PRKG1: variants seen among roughly 807,000 people sequenced by gnomAD.
PRKG1 encodes the protein protein kinase cGMP-dependent 1.
Under a neutral mutation model 88.1 loss-of-function variants are expected in PRKG1, and 35 were observed. The observed-to-expected ratio is 0.40, with a 90% CI of 0.30 to 0.53. The LOEUF (loss-of-function observed/expected upper bound fraction) is 0.53. PRKG1 is among the 20% of genes least tolerant of loss of function. The pLI is 0.59. For synonymous variants in PRKG1, 303 were observed against 292.5 expected (o/e 1.04, Z -0.37); for missense variants, 540 against 839.8 (o/e 0.64, Z 4.41).
At chr10:51,396,764 A>G (rs992081454) in intron 2 of PRKG1, among the ~76,000 whole-genome samples, 25 of 152,234 alleles carry the variant, frequency 1.6e-4, no homozygotes, top group South Asian at 4.1e-4. Flanking sequence ...TAGTATTTTC[A>G]CAAGTGTGGC....
At chr10:51,786,184 T>A (rs1476464229) in intron 3 of PRKG1, among the ~76,000 whole-genome samples, 2 of 152,134 alleles carry the variant, frequency 1.3e-5, no homozygotes, top group Non-Finnish European at 2.9e-5. Flanking sequence ...ACTTATTAAT[T>A]TTTGGCTAAG....
intron 3 of PRKG1, among the ~76,000 whole-genome samples, chr10:51,484,039 T>C (rs1380735341): frequency 6.6e-6 from 1 of 152,200 alleles, no homozygotes; most frequent in Non-Finnish European, 1.5e-5. Context: ...TATCTGATTC[T>C]ACTAGTGACT....
intron 3 of PRKG1, among the ~76,000 whole-genome samples, chr10:51,787,230 C>T (rs891583149): frequency 1.3e-5 from 2 of 152,094 alleles, no homozygotes; most frequent in African/African-American, 4.8e-5. Flanking sequence ...TTAAGTAAAG[C>T]CCTATGAAAA....
chr10:52,011,672 G>T lies in PRKG1; in HGVS notation c.763-42812G>T, dbSNP rs142681531. Among the ~76,000 whole-genome samples, 144 of 152,190 alleles carry T rather than the reference G, an allele frequency of 9.5e-4. 1 individual carries two copies. Among genetic ancestry groups the T allele is most frequent in the African/African-American group, 3.3e-3 (139 of 41,516 alleles). On this transcript the variant is annotated intron_variant, in intron 5 of 17. Coordinates refer to ENST00000373980, the MANE Select transcript of PRKG1 (RefSeq NM_006258.4). ...CCCAATCTTACTTCTTCCCATCAAT[G>T]CCAAACTGGTTGACAGAGCAGATTT...
intron 3 of PRKG1, among the ~76,000 whole-genome samples, chr10:51,653,070 T>A (rs1014099976): frequency 2.0e-5 from 3 of 152,210 alleles, no homozygotes; most frequent in Non-Finnish European, 4.4e-5. Flanking sequence ...CCAAATAGTA[T>A]TTCATAGTGT....
chr10:51,875,939 CTTTT>C (rs1841287599), intron 4 of PRKG1, among the ~76,000 whole-genome samples: 1 of 113,110 alleles, frequency 8.8e-6, no homozygotes, highest in Non-Finnish European at 2.1e-5. Context: ...TTATTCCTTT[CTTTT>C]CTTTCTTTCT....
chr10:51,707,148 ACTT>A (rs1265695290), intron 3 of PRKG1, among the ~76,000 whole-genome samples: 2 of 152,226 alleles, frequency 1.3e-5, no homozygotes, highest in African/African-American at 4.8e-5. Flanking sequence ...CCCATAGAAT[ACTT>A]CAATGAGAAT....
intron 1 of PRKG1, among the ~76,000 whole-genome samples, chr10:51,030,303 A>T (rs1843266922): frequency 6.6e-6 from 1 of 152,174 alleles, no homozygotes; most frequent in Admixed American, 6.5e-5. Context: ...ATTTAAAAGA[A>T]TTATAAATAT....
chr10:52,166,853 A>ATATATATATGTC (rs1240723545), intron 9 of PRKG1, among the ~76,000 whole-genome samples: 23 of 102,068 alleles, frequency 2.3e-4, no homozygotes, highest in Admixed American at 1.6e-3. Flanking sequence ...ATATATGTCT[A>ATATATATATGTC]TATATATATC....
intron 3 of PRKG1, among the ~76,000 whole-genome samples, chr10:51,740,891 A>T (rs1206851926): frequency 6.6e-6 from 1 of 151,944 alleles, no homozygotes; most frequent in Non-Finnish European, 1.5e-5. Flanking sequence ...CATATTTGCC[A>T]ACCTGCATTG....
chr10:51,095,234 G>A (rs1844499478), intron 1 of PRKG1, among the ~76,000 whole-genome samples: 2 of 152,106 alleles, frequency 1.3e-5, no homozygotes, highest in Non-Finnish European at 2.9e-5. Flanking sequence ...CTGACTTTTA[G>A]TTTCGGGATG....
At chr10:51,984,528 G>C (rs997437965) in intron 5 of PRKG1, among the ~76,000 whole-genome samples, 3 of 152,112 alleles carry the variant, frequency 2.0e-5, no homozygotes, top group Non-Finnish European at 1.5e-5. Flanking sequence ...TTGTGTTATA[G>C]GCAACAGGAT....
chr10:51,739,178 A>C (rs950518911), intron 3 of PRKG1, among the ~76,000 whole-genome samples: 1 of 152,204 alleles, frequency 6.6e-6, no homozygotes, highest in Admixed American at 6.6e-5. Flanking sequence ...ATTGCCATGC[A>C]TCCTAAATTT....
At chr10:51,919,686 T>C (rs534533068) in intron 5 of PRKG1, among the ~76,000 whole-genome samples, 35 of 150,960 alleles carry the variant, frequency 2.3e-4, no homozygotes, top group Admixed American at 1.0e-3. Flanking sequence ...CTTTTTTTTT[T>C]AAAGTGGCTT....
chr10:51,351,949 G>C (rs1340699622), intron 2 of PRKG1, among the ~76,000 whole-genome samples: 2 of 152,062 alleles, frequency 1.3e-5, no homozygotes, highest in Non-Finnish European at 2.9e-5. Context: ...TCCAGTTTCT[G>C]TTTTCTGCAT....
intron 8 of PRKG1, among the ~76,000 whole-genome samples, chr10:52,156,476 T>G (rs529108730): frequency 9.1e-4 from 139 of 151,962 alleles, no homozygotes; most frequent in Middle Eastern, 3.4e-3. Context: ...GTATTGTATA[T>G]GTACATATGT....
chr10:51,002,180 A>T (rs1842896871), intron 1 of PRKG1, among the ~76,000 whole-genome samples: 1 of 144,606 alleles, frequency 6.9e-6, no homozygotes, highest in Non-Finnish European at 1.5e-5. Flanking sequence ...TAATAGTAGT[A>T]AAAAAAAAAA....
intron 3 of PRKG1, among the ~76,000 whole-genome samples, chr10:51,514,667 C>T (rs114851905): frequency 0.02 from 3,099 of 152,140 alleles, 55 homozygotes; most frequent in Middle Eastern, 0.041. Context: ...AGGCATGTAC[C>T]GAAGTCAATA....
intron 5 of PRKG1, among the ~76,000 whole-genome samples, chr10:52,013,214 C>T (rs141448107): frequency 0.013 from 1,989 of 151,972 alleles, 45 homozygotes; most frequent in African/African-American, 0.046. Flanking sequence ...GTCAGGAGAT[C>T]GTGTCCATCC....
Sources: allele counts gnomAD v4.1 joint callset (sites outside exome capture counted in the v4.1 genomes callset), GRCh38; gene constraint gnomAD v4.1.1; transcripts MANE v1.5; gene names NCBI Gene and HGNC (gene_info 2026-07-23, HGNC 2026-07-21).